Variants in USP6NL observed in about 807,000 individuals in gnomAD.
The protein encoded by USP6NL is USP6 N-terminal like.
A neutral mutation model predicts 61.9 loss-of-function variants in USP6NL; 26 were observed. The observed-to-expected ratio is 0.42, with a 90% CI of 0.31 to 0.58. USP6NL has a LOEUF of 0.58. Among genes scored for constraint, USP6NL ranks in the 20% least tolerant of loss-of-function variants. USP6NL has a pLI of 0.16. For missense variants in USP6NL, 1,114 were observed against 1,034.3 expected, an observed-to-expected ratio of 1.08 and a Z score of -1.06; for synonymous variants, 432 against 390.1, an observed-to-expected ratio of 1.11 and a Z score of -1.27.
chr10:11,555,530 T>C (rs935984419), intron 2 of USP6NL, among the ~76,000 whole-genome samples: 4 of 134,968 alleles, frequency 3.0e-5, no homozygotes, highest in Admixed American at 2.3e-4. Flanking sequence ...TGAAAGAGCA[T>C]AGGAGACATA....
chr10:11,587,092 C>T lies in USP6NL; in HGVS notation c.4+10539G>A, dbSNP rs950689729. On this transcript the variant is annotated intron_variant, in intron 2 of 14. Coordinates refer to ENST00000609104, the MANE Select transcript of USP6NL (RefSeq NM_014688.5). The surrounding 1 kb of genome is among the most constrained non-coding windows in gnomAD (Gnocchi z 4.5). ...TCAATGTCTGGCTTTCCCACCAGTT[C>T]CATGATCTACAAGGCCAAGGGTCAT... is the stretch of plus-strand genomic sequence containing the variant. 6.6e-6 allele frequency among the ~76,000 whole-genome samples: 1 copy of T among 152,184 alleles called. No individual in the cohort carries two copies. The highest frequency in any genetic ancestry group is 1.5e-5 in the Non-Finnish European group (1 of 68,032).
chr10:11,548,356 CTGT>C lies in USP6NL; in HGVS notation c.5-20792_5-20790del, dbSNP rs956108121. Among the ~76,000 whole-genome samples, 4 of 152,176 alleles carry C rather than the reference CTGT, an allele frequency of 2.6e-5. No homozygotes were observed. Among genetic ancestry groups the C allele is most frequent in the Non-Finnish European group, 5.9e-5 (4 of 68,028 alleles). On this transcript the variant is annotated intron_variant, in intron 2 of 14. Coordinates refer to ENST00000609104, the MANE Select transcript of USP6NL (RefSeq NM_014688.5). The surrounding 1 kb of genome is among the most constrained non-coding windows in gnomAD (Gnocchi z 4.3). ...ACAAATATCCACTTTTATTTTCTGG[CTGT>C]TAAGTCAATTTAATGGGTTCTTATT...
At chr10:11,479,472 C>T (rs1027613656) in intron 14 of USP6NL, among the ~76,000 whole-genome samples, 3 of 151,780 alleles carry the variant, frequency 2.0e-5, no homozygotes, top group African/African-American at 7.3e-5. Context: ...TCATGTGGGC[C>T]TAGGAAAACA....
Position 11,485,100 on chromosome 10 carries a change from T to C in USP6NL, c.826-30A>G, listed in dbSNP as rs1591831789. The stretch of plus-strand genomic sequence containing the variant: ...AATTAAAAGCAAAACAAAACAAAAA[T>C]AGGGTTAACAGCTTCCCCTCACCTT... On this transcript the variant is annotated intron_variant, in intron 12 of 14. Transcript: ENST00000609104. This position sits in a 1 kb window ranked among gnomAD's most constrained non-coding sequence, Gnocchi z 4.8. 1.3e-6 allele frequency: 2 copies of C among 1,536,270 alleles called. No individual in the cohort carries two copies. Among genetic ancestry groups the C allele is most frequent in the East Asian group, 2.5e-5 (1 of 40,760 alleles).
chr10:11,588,022 A>AG (rs1315960901), intron 2 of USP6NL, among the ~76,000 whole-genome samples: 2 of 152,236 alleles, frequency 1.3e-5, no homozygotes, highest in East Asian at 3.8e-4. Context: ...TCTTGAAGGC[A>AG]GGCTTCCTGA....
rs1370475099 is a variant in USP6NL at position 11,592,716 on chromosome 10, T to C, written c.4+4915A>G. ...AAACAGTTTATCTATCTAGATAGGC[T>C]ACTGTCCTAGAGAGTTTTAGCCAGT... is the stretch of plus-strand genomic sequence containing the variant. On this transcript the variant is annotated intron_variant, in intron 2 of 14. Coordinates refer to ENST00000609104, the MANE Select transcript of USP6NL (RefSeq NM_014688.5). The surrounding 1 kb of genome is among the most constrained non-coding windows in gnomAD (Gnocchi z 4.7). 6.6e-6 allele frequency among the ~76,000 whole-genome samples: 1 copy of C among 152,256 alleles called. No homozygotes were observed. The highest frequency in any genetic ancestry group is 1.5e-5 in the Non-Finnish European group (1 of 68,040).
At chr10:11,529,484 GAGTGGGA>G (rs1835560800) in intron 2 of USP6NL, among the ~76,000 whole-genome samples, 3 of 152,344 alleles carry the variant, frequency 2.0e-5, no homozygotes, top group South Asian at 4.1e-4. Context: ...AAAAACAACA[GAGTGGGA>G]AGTTGTAAAT....
intron 5 of USP6NL, among the ~76,000 whole-genome samples, chr10:11,515,786 G>A (rs1834931814): frequency 6.6e-6 from 1 of 152,150 alleles, no homozygotes; most frequent in Non-Finnish European, 1.5e-5. Context: ...AGTCAGGCAT[G>A]CCTAGACCTC....
At chr10:11,504,496 G>A (rs1262107657) in intron 6 of USP6NL, among the ~76,000 whole-genome samples, 2 of 152,158 alleles carry the variant, frequency 1.3e-5, no homozygotes, top group African/African-American at 2.4e-5. Flanking sequence ...AGGTCAAAAA[G>A]TTCTACCTTC....
chr10:11,538,680 C>T (rs1286598525), intron 2 of USP6NL, among the ~76,000 whole-genome samples: 2 of 152,152 alleles, frequency 1.3e-5, no homozygotes. Flanking sequence ...AGATTCTTAG[C>T]TTTCTCTTAT....
intron 2 of USP6NL, chr10:11,564,464 T>C (rs1402099569): frequency 6.6e-6 from 1 of 152,184 alleles, no homozygotes; most frequent in Non-Finnish European, 1.5e-5. Context: ...CTCACTTAGA[T>C]GATAAGCCAT....
Position 11,485,319 on chromosome 10 carries a change from G to T in USP6NL, c.760-85C>A. ...TACTAAGTTAGGAAGGCTGTTGGAT[G>T]CAGCTATCAAAGCTAAACACATTTA... On this transcript the variant is annotated intron_variant, in intron 11 of 14. Transcript: ENST00000609104. This position sits in a 1 kb window ranked among gnomAD's most constrained non-coding sequence, Gnocchi z 4.8. The T allele has an allele frequency of 9.0e-7, 1 of 1,110,538 alleles. No homozygotes were observed. Among genetic ancestry groups the T allele is most frequent in the Non-Finnish European group, 1.3e-6 (1 of 792,816 alleles). 68.8% of individuals were successfully genotyped at this position (1,110,538 alleles called of 1,614,324 possible). A position where few individuals can be genotyped will look rare whatever the true frequency, so the allele number is the denominator to read the frequency against.
In USP6NL at chr10:11,478,353, C is replaced by T. The variant is rs766796085; in HGVS notation, c.1078+3417G>A. ...TGACAGCCACGTTTCATATGGTACA[C>T]GAGTGGGGGATGGAATGTGAGACCA... is the stretch of plus-strand genomic sequence containing the variant. On this transcript the variant is annotated intron_variant, in intron 14 of 14. Coordinates refer to ENST00000609104, the MANE Select transcript of USP6NL (RefSeq NM_014688.5). The surrounding 1 kb of genome is among the most constrained non-coding windows in gnomAD (Gnocchi z 6.8). Among the ~76,000 whole-genome samples, 6 of 151,826 alleles carry T rather than the reference C, an allele frequency of 4.0e-5. No homozygotes were observed. Among genetic ancestry groups the T allele is most frequent in the Non-Finnish European group, 7.4e-5 (5 of 67,966 alleles).
intron 13 of USP6NL, 68 bp downstream of exon 13, chr10:11,484,903 A>C: frequency 8.1e-7 from 1 of 1,227,514 alleles, no homozygotes; most frequent in Non-Finnish European, 1.1e-6. Flanking sequence ...GTGGGTGGGG[A>C]ATGAGAAATC....
intron 3 of USP6NL, among the ~76,000 whole-genome samples, chr10:11,527,122 G>C (rs190198428): frequency 9.9e-5 from 15 of 152,250 alleles, no homozygotes; most frequent in African/African-American, 2.6e-4. Context: ...GCTGAGGGTA[G>C]AATCAGGGGC....
In USP6NL at chr10:11,562,145, T is replaced by C. The variant is rs1250322551; in HGVS notation, c.5-34578A>G. Among the ~76,000 whole-genome samples, 4 of 151,860 alleles carry C rather than the reference T, an allele frequency of 2.6e-5. No individual in the cohort carries two copies. Among genetic ancestry groups the C allele is most frequent in the Non-Finnish European group, 5.9e-5 (4 of 67,986 alleles). On this transcript the variant is annotated intron_variant, in intron 2 of 14. Transcript: ENST00000609104. The surrounding 1 kb of genome is among the most constrained non-coding windows in gnomAD (Gnocchi z 4.8). ...AATACAAAAAATTAGCTGGATGTGG[T>C]GGCTGGCGCCTGTAATCCCAGCTAC...
intron 2 of USP6NL, among the ~76,000 whole-genome samples, chr10:11,547,001 AAATC>A (rs2133474286): frequency 6.6e-6 from 1 of 152,340 alleles, no homozygotes; most frequent in African/African-American, 2.4e-5. Flanking sequence ...TTCATTTAAC[AAATC>A]AATACTATTT....
intron 7 of USP6NL, among the ~76,000 whole-genome samples, chr10:11,497,568 A>G (rs1833990995): frequency 1.3e-5 from 2 of 152,214 alleles, no homozygotes; most frequent in African/African-American, 4.8e-5. Context: ...CCTTAAAATA[A>G]AAGTTAATAG....
chr10:11,539,564 G>A (rs1427727499), intron 2 of USP6NL, among the ~76,000 whole-genome samples: 1 of 152,230 alleles, frequency 6.6e-6, no homozygotes, highest in Non-Finnish European at 1.5e-5. Flanking sequence ...TGTTGCATAT[G>A]AGTGCAATCC....
Sources: allele counts gnomAD v4.1 joint callset (sites outside exome capture counted in the v4.1 genomes callset), GRCh38; gene constraint gnomAD v4.1.1; non-coding constraint Gnocchi (gnomAD v3.1); transcripts MANE v1.5; gene names NCBI Gene and HGNC (gene_info 2026-07-23, HGNC 2026-07-21).